The following TBC1D22A variants were observed in gnomAD, a reference collection of about 807,000 sequenced individuals.
TBC1D22A encodes the protein putative GTPase activator.
Under a neutral mutation model 60.2 loss-of-function variants are expected in TBC1D22A, and 38 were observed. That is an observed-to-expected ratio of 0.63 (90% CI 0.49 to 0.83). TBC1D22A has a LOEUF of 0.83. Among genes scored for constraint, TBC1D22A ranks in the 40% least tolerant of loss-of-function variants. The pLI, the probability that TBC1D22A is intolerant of heterozygous loss-of-function variation, is 0.00. For missense variants in TBC1D22A, 628 were observed against 701.0 expected (o/e 0.90, Z 1.18); for synonymous variants, 302 against 281.7 (o/e 1.07, Z -0.72).
At chr22:47,080,878 T>G (rs1024163119) in intron 11 of TBC1D22A, among the ~76,000 whole-genome samples, 8 of 152,022 alleles carry the variant, frequency 5.3e-5, no homozygotes, top group African/African-American at 1.9e-4. Flanking sequence ...ATCCCAGCAC[T>G]TTGGGAGGCC....
At chr22:46,993,013 A>G (rs1262613356) in intron 9 of TBC1D22A, among the ~76,000 whole-genome samples, 3 of 152,208 alleles carry the variant, frequency 2.0e-5, no homozygotes, top group African/African-American at 4.8e-5. Flanking sequence ...CCTGGAAAGA[A>G]GAGGCTGGAC....
chr22:46,864,753 A>G (rs923863742), intron 4 of TBC1D22A, among the ~76,000 whole-genome samples: 3 of 152,126 alleles, frequency 2.0e-5, no homozygotes, highest in Admixed American at 1.3e-4. Context: ...GACCTTATGG[A>G]GTGCCAGTGG....
rs112401899 is a variant in TBC1D22A, at chr22:47,031,424, A to G, written c.1202-5647A>G. ...TGGTCAATCTTTCCTTAAGGAACCA[A>G]TGAAAGAGGAGCCTCTTGCCCTGGA... is the stretch of plus-strand genomic sequence containing the variant. On this transcript the variant is annotated intron_variant, in intron 10 of 12. Transcript: ENST00000337137. Among the ~76,000 whole-genome samples, 45 of 152,358 alleles carry G rather than the reference A, an allele frequency of 3.0e-4. 1 individual carries two copies. Among genetic ancestry groups the G allele is most frequent in the African/African-American group, 1.1e-3 (44 of 41,588 alleles).
chr22:47,110,951 A>G (rs573003547), intron 11 of TBC1D22A, among the ~76,000 whole-genome samples: 237 of 152,302 alleles, frequency 1.6e-3, no homozygotes, highest in Non-Finnish European at 2.3e-3. Flanking sequence ...GTGAGGAGAG[A>G]CATGGGTGGT....
intron 11 of TBC1D22A, among the ~76,000 whole-genome samples, chr22:47,040,551 G>A (rs2062806660): frequency 6.6e-6 from 1 of 151,820 alleles, no homozygotes; most frequent in Non-Finnish European, 1.5e-5. Flanking sequence ...CTCTGATGGG[G>A]AGAGGGAAGC....
chr22:46,785,762 G>A (rs757719006), intron 1 of TBC1D22A, among the ~76,000 whole-genome samples: 11 of 152,234 alleles, frequency 7.2e-5, no homozygotes, highest in African/African-American at 2.2e-4. Flanking sequence ...ATTGATCTAC[G>A]TTGTAGCTTG....
intron 7 of TBC1D22A, among the ~76,000 whole-genome samples, chr22:46,904,050 ATG>A (rs1231220636): frequency 1.3e-5 from 2 of 152,062 alleles, no homozygotes; most frequent in Non-Finnish European, 2.9e-5. Flanking sequence ...TGTCATATAT[ATG>A]TATATATATA....
chr22:47,126,852 A>T (rs1407475147), intron 12 of TBC1D22A, among the ~76,000 whole-genome samples: 1 of 152,168 alleles, frequency 6.6e-6, no homozygotes, highest in East Asian at 1.9e-4. Context: ...GGAGTTCTGG[A>T]ACATCTCTGA....
rs192735352 is a variant in TBC1D22A, at chr22:47,144,576, C to A, written c.1426-28922C>A. On this transcript the variant is annotated intron_variant, in intron 12 of 12. Coordinates refer to ENST00000337137, the MANE Select transcript of TBC1D22A (RefSeq NM_014346.5). Reference sequence around the variant, plus strand: ...CAGTATACAAGCACATACGCGCATGCACTTAGGGCACACTCAGGGGCTCTC... The same window carrying A: ...CAGTATACAAGCACATACGCGCATGAACTTAGGGCACACTCAGGGGCTCTC... Among the ~76,000 whole-genome samples the A allele has an allele frequency of 2.2e-3, 331 of 152,356 alleles. 3 individuals are homozygous for A. Among genetic ancestry groups the A allele is most frequent in the South Asian group, 0.017 (83 of 4,828 alleles).
intron 4 of TBC1D22A, among the ~76,000 whole-genome samples, chr22:46,824,441 G>T (rs938908108): frequency 2.6e-5 from 4 of 152,170 alleles, no homozygotes; most frequent in Admixed American, 6.5e-5. Flanking sequence ...CAAGAAGGCC[G>T]CTGTGGCTGC....
intron 11 of TBC1D22A, among the ~76,000 whole-genome samples, chr22:47,110,042 C>A (rs115688659): frequency 6.6e-6 from 1 of 152,148 alleles, no homozygotes. Context: ...CCAGATGTTC[C>A]TGCCATTGCT....
chr22:46,813,670 T>A (rs1243927985), intron 4 of TBC1D22A, among the ~76,000 whole-genome samples: 1 of 152,186 alleles, frequency 6.6e-6, no homozygotes, highest in Non-Finnish European at 1.5e-5. Context: ...CTTAAGCATA[T>A]GTCAGAAGTT....
At chr22:46,793,012 A>C (rs953619052) in intron 2 of TBC1D22A, among the ~76,000 whole-genome samples, 2 of 152,280 alleles carry the variant, frequency 1.3e-5, no homozygotes, top group Admixed American at 6.5e-5. Flanking sequence ...GTGACCCTGC[A>C]GGACTGCACC....
intron 4 of TBC1D22A, among the ~76,000 whole-genome samples, chr22:46,812,789 T>A (rs1053414694): frequency 1.1e-4 from 16 of 152,256 alleles, no homozygotes; most frequent in Non-Finnish European, 1.8e-4. Flanking sequence ...GCTATTCAGT[T>A]GACAAGAAAA....
chr22:47,047,824 G>C (rs562190707), intron 11 of TBC1D22A, among the ~76,000 whole-genome samples: 14 of 152,216 alleles, frequency 9.2e-5, no homozygotes, highest in Non-Finnish European at 1.6e-4. Context: ...GGCTCCTGCC[G>C]TCTGCCTCTA....
At chr22:46,786,371 T>A (rs2084160723) in intron 1 of TBC1D22A, among the ~76,000 whole-genome samples, 1 of 152,238 alleles carries the variant, frequency 6.6e-6, no homozygotes, top group Non-Finnish European at 1.5e-5. Context: ...TCCACTTGAT[T>A]ATGATGCGTA....
At chr22:47,007,644 T>C (rs187279292) in intron 10 of TBC1D22A, among the ~76,000 whole-genome samples, 1 of 151,794 alleles carries the variant, frequency 6.6e-6, no homozygotes, top group East Asian at 1.9e-4. Flanking sequence ...AAGGCTGCCT[T>C]CTTGCTCACA....
chr22:47,162,153 G>A (rs1468790165), intron 12 of TBC1D22A, among the ~76,000 whole-genome samples: 3 of 149,420 alleles, frequency 2.0e-5, no homozygotes, highest in Admixed American at 1.3e-4. Context: ...TTGCCTTTAT[G>A]TGTATATAAA....
At chr22:47,030,100 C>T (rs972786816) in intron 10 of TBC1D22A, among the ~76,000 whole-genome samples, 15 of 152,240 alleles carry the variant, frequency 9.9e-5, no homozygotes, top group African/African-American at 3.1e-4. Flanking sequence ...GGGCCCTGCT[C>T]ACTGTCAGTG....
Sources: allele counts gnomAD v4.1 joint callset (sites outside exome capture counted in the v4.1 genomes callset), GRCh38; gene constraint gnomAD v4.1.1; transcripts MANE v1.5; gene names NCBI Gene and HGNC (gene_info 2026-07-23, HGNC 2026-07-21).